SEC63: variants seen among roughly 807,000 people sequenced by gnomAD.
The protein encoded by SEC63 is SEC63 protein translocation regulator, also known as translocation protein SEC63 homolog.
A neutral mutation model predicts 116.2 loss-of-function variants in SEC63; 56 were observed. The observed-to-expected ratio is 0.48, with a 90% CI of 0.39 to 0.60. The LOEUF (loss-of-function observed/expected upper bound fraction) is 0.60, where lower values mean the gene tolerates loss of function less well. Among genes scored for constraint, SEC63 ranks in the 20% least tolerant of loss-of-function variants. The pLI is 0.00. For synonymous variants in SEC63, 273 were observed against 294.6 expected, an observed-to-expected ratio of 0.93 and a Z score of 0.75; for missense variants, 668 against 900.0, an observed-to-expected ratio of 0.74 and a Z score of 3.30.
chr6:107,913,192 A>T lies in SEC63; in HGVS notation c.514+174T>A, dbSNP rs181080937. On this transcript the variant is annotated intron_variant, in intron 5 of 20. Coordinates refer to ENST00000369002, the MANE Select transcript of SEC63 (RefSeq NM_007214.5). The stretch of plus-strand genomic sequence containing the variant: ...GGATCAACTTAAATTATATCTTTCA[A>T]ACTAGTCTTTAGAAAGAAAAATAAA... Among the ~76,000 whole-genome samples, 11 of 152,336 alleles carry T rather than the reference A, an allele frequency of 7.2e-5. No individual in the cohort carries two copies. The East Asian group carries it at 2.1e-3, about 29-fold the overall frequency.
Position 107,904,627 on chromosome 6 carries a change from A to C in SEC63, c.1054+2T>G, listed in dbSNP as rs867093406. ...ACATAATTAACTATATTTCCTCCTC[A>C]CCTTCACGGTTCCGGGCCATTACTA... On this transcript the variant is annotated splice_donor_variant, in intron 11 of 20. Coordinates refer to ENST00000369002, the MANE Select transcript of SEC63 (RefSeq NM_007214.5). LOFTEE classifies it high-confidence loss of function. 1.3e-6 allele frequency: 2 copies of C among 1,598,160 alleles called. No homozygotes were observed. Among genetic ancestry groups the C allele is most frequent in the African/African-American group, 1.3e-5 (1 of 74,534 alleles).
At chr6:107,916,448 A>G (rs1787401221) in intron 4 of SEC63, among the ~76,000 whole-genome samples, 1 of 152,288 alleles carries the variant, frequency 6.6e-6, no homozygotes, top group African/African-American at 2.4e-5. Context: ...TCCTCTACTA[A>G]GTACAAAAAT....
At chr6:107,897,832 G>A in intron 13 of SEC63, 101 bp from the exon 14 acceptor site, 1 of 789,640 alleles carries the variant, frequency 1.3e-6, no homozygotes, top group Non-Finnish European at 2.3e-6. Flanking sequence ...TGGCACTTTA[G>A]TATTTCAAGC....
In SEC63 at chr6:107,942,222, G is replaced by T. The variant is rs979490689; in HGVS notation, c.125-12708C>A. Among the ~76,000 whole-genome samples, 6 of 152,244 alleles carry T rather than the reference G, an allele frequency of 3.9e-5. No individual in the cohort carries two copies. The South Asian group carries it at 1.2e-3, about 32-fold the overall frequency. ...CCAGAAGTATAATTACTAGGTTTAAGAGCTTTAACACTTTTACAACTCCTT... is the reference window on the plus strand; with the variant it reads ...CCAGAAGTATAATTACTAGGTTTAATAGCTTTAACACTTTTACAACTCCTT... On this transcript the variant is annotated intron_variant, in intron 1 of 20. Transcript: ENST00000369002.
intron 1 of SEC63, among the ~76,000 whole-genome samples, chr6:107,941,905 A>G (rs1770386124): frequency 1.3e-5 from 2 of 152,266 alleles, no homozygotes; most frequent in Admixed American, 1.3e-4. Flanking sequence ...ACTTAAGGAT[A>G]GCATTTCTAT....
intron 1 of SEC63, among the ~76,000 whole-genome samples, chr6:107,949,343 A>C (rs1770536103): frequency 6.6e-6 from 1 of 152,132 alleles, no homozygotes; most frequent in African/African-American, 2.4e-5. Context: ...TACAGAATAT[A>C]CTCAAAAGAA....
chr6:107,905,537 T>C (rs1014574973), intron 10 of SEC63, among the ~76,000 whole-genome samples: 1 of 152,186 alleles, frequency 6.6e-6, no homozygotes, highest in African/African-American at 2.4e-5. Context: ...GAAAAAGAGA[T>C]AATTAATGAC....
intron 16 of SEC63, among the ~76,000 whole-genome samples, chr6:107,887,719 G>C (rs2114416125): frequency 6.6e-6 from 1 of 152,220 alleles, no homozygotes; most frequent in Non-Finnish European, 1.5e-5. Flanking sequence ...CGCACAATGT[G>C]CACATGTACC....
intron 1 of SEC63, among the ~76,000 whole-genome samples, chr6:107,940,868 G>T (rs150720869): frequency 6.7e-6 from 1 of 150,096 alleles, no homozygotes; most frequent in African/African-American, 2.4e-5. Context: ...AGGGAGAGGA[G>T]GACCTGGGAA....
chr6:107,893,412 C>G, intron 16 of SEC63, 70 bp downstream of exon 16: 1 of 1,467,942 alleles, frequency 6.8e-7, no homozygotes, highest in South Asian at 1.1e-5. Flanking sequence ...AAGCTGTACA[C>G]GTAAGACTTG....
chr6:107,871,517 C>G lies in SEC63; in HGVS notation c.*187G>C. 2 of 652,336 alleles carry G rather than the reference C, an allele frequency of 3.1e-6. No individual in the cohort carries two copies. The highest frequency in any genetic ancestry group is 5.5e-6 in the Non-Finnish European group (2 of 363,144). 40.4% of individuals were successfully genotyped at this position (652,336 alleles called of 1,614,324 possible). On this transcript the variant is annotated 3_prime_UTR_variant, in exon 21 of 21. Transcript: ENST00000369002. ...CCCCTACTTGAAAGGTTTCAATAAG[C>G]CTTAACATTTTTCAGGTTGTACCAA...
chr6:107,953,394 T>TG (rs1281292579), intron 1 of SEC63, among the ~76,000 whole-genome samples: 20 of 149,686 alleles, frequency 1.3e-4, no homozygotes, highest in African/African-American at 3.7e-4. Flanking sequence ...GGGAAGGAGG[T>TG]GGGGGGGTCA....
chr6:107,910,637 T>C (rs994823539), intron 7 of SEC63, among the ~76,000 whole-genome samples: 1 of 152,134 alleles, frequency 6.6e-6, no homozygotes, highest in Non-Finnish European at 1.5e-5. Context: ...CATGCATATA[T>C]ACACATGTCA....
At chr6:107,882,344 T>C (rs1173657342) in intron 17 of SEC63, among the ~76,000 whole-genome samples, 1 of 152,190 alleles carries the variant, frequency 6.6e-6, no homozygotes, top group Non-Finnish European at 1.5e-5. Context: ...AGCAGTTTAT[T>C]TGCAGTGAGC....
At chr6:107,913,317 T>TATA (rs1562326687) in intron 5 of SEC63, 49 bp downstream of exon 5, 1 of 1,139,682 alleles carries the variant, frequency 8.8e-7, no homozygotes, top group Non-Finnish European at 1.3e-6. Context: ...TTAACATTTT[T>TATA]ATAATATATA....
At chr6:107,932,504 G>A (rs1209266898) in intron 1 of SEC63, among the ~76,000 whole-genome samples, 1 of 152,142 alleles carries the variant, frequency 6.6e-6, no homozygotes, top group Non-Finnish European at 1.5e-5. Context: ...ATGTAGGGGA[G>A]AGTATGGTAG....
chr6:107,909,154 G>C, intron 7 of SEC63, 119 bp from the exon 8 acceptor site: 1 of 692,222 alleles, frequency 1.4e-6, no homozygotes, highest in Non-Finnish European at 2.6e-6. Context: ...GACTGCTTGA[G>C]CCCAGGAGTT....
rs1770743907 is a variant in SEC63 at position 107,957,880 on chromosome 6, A to C, written c.124+6T>G. 6.2e-7 allele frequency: 1 copy of C among 1,608,402 alleles called. No individual in the cohort carries two copies. Among genetic ancestry groups the C allele is most frequent in the Non-Finnish European group, 8.5e-7 (1 of 1,177,716 alleles). ...GGGTTCGCGGGCAAAGGCCGGCGGG[A>C]CTCACCGGCATTCTGATCTCGGGGC... On this transcript the variant is annotated splice_donor_region_variant and intron_variant, in intron 1 of 20. Transcript: ENST00000369002.
chr6:107,886,004 CCCT>C, intron 16 of SEC63, among the ~76,000 whole-genome samples: 1 of 152,120 alleles, frequency 6.6e-6, no homozygotes, highest in Non-Finnish European at 1.5e-5. Context: ...GCAATCCCTC[CCCT>C]AGCCCACCAC....
Sources: allele counts gnomAD v4.1 joint callset (sites outside exome capture counted in the v4.1 genomes callset), GRCh38; gene constraint gnomAD v4.1.1; transcripts MANE v1.5; gene names NCBI Gene and HGNC (gene_info 2026-07-23, HGNC 2026-07-21).